Variants in PALS2 observed in about 807,000 individuals in gnomAD.
The protein encoded by PALS2 is protein associated with LIN7 2, MAGUK p55 family member.
In PALS2, 27 loss-of-function variants were observed where a neutral mutation model predicts 61.6. The ratio of observed to expected loss-of-function variants is 0.44; its 90% CI spans 0.32 to 0.60. The LOEUF is 0.60. Among genes scored for constraint, PALS2 ranks in the 20% least tolerant of loss-of-function variants. PALS2 has a pLI of 0.05. For missense variants in PALS2, 554 were observed against 639.4 expected (o/e 0.87, Z 1.44); for synonymous variants, 236 against 218.6 (o/e 1.08, Z -0.70).
At chr7:24,640,775 G>A (rs71537294) in intron 2 of PALS2, among the ~76,000 whole-genome samples, 95,672 of 151,170 alleles carry the variant, frequency 0.63, 32,794 homozygotes, top group East Asian at 0.99. Flanking sequence ...TTGGGAGGCC[G>A]AGGCGGGTGG....
intron 5 of PALS2, among the ~76,000 whole-genome samples, chr7:24,651,057 A>C (rs919885291): frequency 1.1e-4 from 16 of 152,066 alleles, no homozygotes; most frequent in African/African-American, 3.6e-4. Flanking sequence ...CTGGGAGAGG[A>C]TAAAAATGCA....
At chr7:24,684,567 G>A (rs549089667) in intron 11 of PALS2, among the ~76,000 whole-genome samples, 1 of 152,226 alleles carries the variant, frequency 6.6e-6, no homozygotes, top group East Asian at 1.9e-4. Context: ...TTCTTTTAGT[G>A]GGAGATAGCA....
intron 9 of PALS2, among the ~76,000 whole-genome samples, 158 bp downstream of exon 9, chr7:24,668,818 A>C (rs1022277976): frequency 6.6e-6 from 1 of 152,200 alleles, no homozygotes; most frequent in Non-Finnish European, 1.5e-5. Context: ...AAATTTAGTA[A>C]TTCTGTAGCT....
chr7:24,681,740 GTCCATCATC>G (rs1787946521), intron 11 of PALS2, among the ~76,000 whole-genome samples: 1 of 152,060 alleles, frequency 6.6e-6, no homozygotes, highest in Non-Finnish European at 1.5e-5. Flanking sequence ...TAATGAACAT[GTCCATCATC>G]TCCACACATT....
intron 2 of PALS2, among the ~76,000 whole-genome samples, chr7:24,641,460 A>C (rs371722486): frequency 2.0e-5 from 3 of 152,096 alleles, no homozygotes; most frequent in African/African-American, 7.2e-5. Flanking sequence ...TGACTTGTCC[A>C]GTTTTTTCAT....
intron 2 of PALS2, among the ~76,000 whole-genome samples, chr7:24,634,066 T>G (rs1326585245): frequency 6.6e-6 from 1 of 151,898 alleles, no homozygotes; most frequent in Non-Finnish European, 1.5e-5. Context: ...ATGTTTAAAT[T>G]GAGTCATATT....
intron 1 of PALS2, among the ~76,000 whole-genome samples, 199 bp from the exon 2 acceptor site, chr7:24,623,467 C>T (rs1784608337): frequency 6.6e-6 from 1 of 151,994 alleles, no homozygotes; most frequent in Non-Finnish European, 1.5e-5. Flanking sequence ...AAAAATCTAT[C>T]CTGCTATTAA....
intron 2 of PALS2, among the ~76,000 whole-genome samples, chr7:24,634,265 C>T (rs56166017): frequency 7.0e-4 from 107 of 152,146 alleles, no homozygotes; most frequent in African/African-American, 2.6e-3. Context: ...GAGTCTTGCT[C>T]TGCCGCCCAG....
chr7:24,652,869 T>C (rs766961330), intron 5 of PALS2, among the ~76,000 whole-genome samples: 1 of 152,346 alleles, frequency 6.6e-6, no homozygotes, highest in African/African-American at 2.4e-5. Context: ...CAGAATCGTT[T>C]CAGGTGCTTG....
chr7:24,652,427 C>T (rs192632230), intron 5 of PALS2, among the ~76,000 whole-genome samples: 343 of 152,148 alleles, frequency 2.3e-3, no homozygotes, highest in Non-Finnish European at 4.1e-3. Flanking sequence ...CATTCCATAC[C>T]CTCTCAAACT....
chr7:24,601,851 C>T (rs562523342), intron 1 of PALS2, among the ~76,000 whole-genome samples: 9 of 152,092 alleles, frequency 5.9e-5, no homozygotes, highest in South Asian at 4.2e-4. Context: ...ATTCTTGACA[C>T]GTGATTTTTT....
At chr7:24,577,501 T>G (rs78013169) in intron 1 of PALS2, among the ~76,000 whole-genome samples, 4,281 of 152,230 alleles carry the variant, frequency 0.028, 86 homozygotes, top group Non-Finnish European at 0.042. Context: ...TTGCTAGTTT[T>G]GTACATGATT....
At chr7:24,666,706 A>G (rs144963024) in intron 8 of PALS2, among the ~76,000 whole-genome samples, 5 of 152,294 alleles carry the variant, frequency 3.3e-5, no homozygotes, top group African/African-American at 1.2e-4. Context: ...CTTTATATAC[A>G]ATTCCTGTTT....
At chr7:24,678,004 CTTAGT>C (rs1787713298) in intron 9 of PALS2, among the ~76,000 whole-genome samples, 2 of 152,134 alleles carry the variant, frequency 1.3e-5, no homozygotes, top group African/African-American at 4.8e-5. Flanking sequence ...GGATTACTTT[CTTAGT>C]TTAGTTTGGT....
intron 11 of PALS2, among the ~76,000 whole-genome samples, chr7:24,686,800 C>T (rs990763357): frequency 4.6e-5 from 7 of 152,174 alleles, no homozygotes; most frequent in African/African-American, 4.8e-5. Context: ...CACCATCTTA[C>T]GAAAAGCTTT....
At chr7:24,666,713 G>C (rs1010209903) in intron 8 of PALS2, among the ~76,000 whole-genome samples, 16 of 152,082 alleles carry the variant, frequency 1.1e-4, no homozygotes, top group Non-Finnish European at 2.1e-4. Flanking sequence ...TACAATTCCT[G>C]TTTGTCAGTT....
intron 10 of PALS2, 30 bp downstream of exon 10, chr7:24,679,363 A>G (rs1374332541): frequency 1.2e-6 from 2 of 1,604,212 alleles, no homozygotes; most frequent in Non-Finnish European, 1.7e-6. Flanking sequence ...AAGCTGTTTT[A>G]TATTTTATTT....
intron 5 of PALS2, among the ~76,000 whole-genome samples, chr7:24,663,131 C>G (rs1440750977): frequency 6.6e-6 from 1 of 152,160 alleles, no homozygotes; most frequent in South Asian, 2.1e-4. Flanking sequence ...TCATATCTGA[C>G]TTCAACATCA....
intron 1 of PALS2, among the ~76,000 whole-genome samples, chr7:24,621,584 A>G (rs1413263938): frequency 2.0e-5 from 3 of 152,114 alleles, no homozygotes; most frequent in African/African-American, 7.2e-5. Flanking sequence ...TTAGCATATT[A>G]TCCAGAAAGA....
Sources: allele counts gnomAD v4.1 joint callset (sites outside exome capture counted in the v4.1 genomes callset), GRCh38; gene constraint gnomAD v4.1.1; transcripts MANE v1.5; gene names NCBI Gene and HGNC (gene_info 2026-07-23, HGNC 2026-07-21).